Variants in FKBP1A observed in about 807,000 individuals in gnomAD.
FKBP1A encodes the protein FKBP prolyl isomerase 1A.
A neutral mutation model predicts 14.2 loss-of-function variants in FKBP1A; 5 were observed. The observed-to-expected ratio is 0.35, with a 90% CI of 0.18 to 0.74. FKBP1A has a LOEUF of 0.74. FKBP1A is among the 30% of genes least tolerant of loss of function. The pLI is 0.56. For synonymous variants in FKBP1A, 42 were observed against 49.1 expected, an observed-to-expected ratio of 0.86 and a Z score of 0.60; for missense variants, 53 against 138.8, an observed-to-expected ratio of 0.38 and a Z score of 3.10.
chr20:1,390,794 T>C (rs2089727078), intron 2 of FKBP1A, among the ~76,000 whole-genome samples: 1 of 152,198 alleles, frequency 6.6e-6, no homozygotes, highest in Admixed American at 6.5e-5. Flanking sequence ...CAGTCTATTC[T>C]GTGAGCATGA....
At chr20:1,374,064 G>A (rs1327488885) in intron 3 of FKBP1A, among the ~76,000 whole-genome samples, 1 of 152,230 alleles carries the variant, frequency 6.6e-6, no homozygotes, top group Non-Finnish European at 1.5e-5. Context: ...CTGGAAAAGA[G>A]AGAGACAGAA....
chr20:1,376,235 G>A (rs893385034), intron 2 of FKBP1A, among the ~76,000 whole-genome samples: 25 of 152,224 alleles, frequency 1.6e-4, no homozygotes, highest in African/African-American at 5.5e-4. Flanking sequence ...TCATTCTAGT[G>A]CCAAGTGTCT....
At position 1,376,647 on chromosome 20, in the gene FKBP1A, C is replaced by T. The variant is rs114698588; in HGVS notation, c.86-1044G>A. Reference sequence around the variant, plus strand: ...TCTCCACAGCACTATCCCCATTTCACAGATGAAGAAACTGAGGCAGACAGG... The same window carrying T: ...TCTCCACAGCACTATCCCCATTTCATAGATGAAGAAACTGAGGCAGACAGG... On this transcript the variant is annotated intron_variant, in intron 2 of 4. Transcript: ENST00000400137. Among the ~76,000 whole-genome samples, 697 of 151,378 alleles carry T rather than the reference C, an allele frequency of 4.6e-3. 4 individuals are homozygous for T. The highest frequency in any genetic ancestry group is 0.016 in the African/African-American group (667 of 40,768).
chr20:1,388,076 GCAAAGGGAAAAAT>G (rs2089687898), intron 2 of FKBP1A, among the ~76,000 whole-genome samples: 2 of 152,192 alleles, frequency 1.3e-5, no homozygotes, highest in African/African-American at 4.8e-5. Flanking sequence ...ACTGCTAAAT[GCAAAGGGAAAAAT>G]GTACCTTTAC....
intron 3 of FKBP1A, among the ~76,000 whole-genome samples, chr20:1,372,734 G>T (rs998749948): frequency 1.9e-4 from 29 of 152,060 alleles, no homozygotes; most frequent in African/African-American, 6.5e-4. Context: ...ACCCATATAG[G>T]AAAACTTCAA....
chr20:1,381,879 C>T (rs1307598885), intron 2 of FKBP1A, among the ~76,000 whole-genome samples: 2 of 152,086 alleles, frequency 1.3e-5, no homozygotes, highest in Non-Finnish European at 2.9e-5. Context: ...CAAATCTACA[C>T]TGACAAAAAA....
chr20:1,389,894 C>T (rs896807901), intron 2 of FKBP1A, among the ~76,000 whole-genome samples: 2 of 152,158 alleles, frequency 1.3e-5, no homozygotes, highest in Non-Finnish European at 2.9e-5. Flanking sequence ...CACCTCCCTC[C>T]CACCTCAATG....
chr20:1,382,700 CT>C (rs1373126927), intron 2 of FKBP1A, among the ~76,000 whole-genome samples: 1 of 152,186 alleles, frequency 6.6e-6, no homozygotes, highest in Non-Finnish European at 1.5e-5. Flanking sequence ...GAATGGTAAA[CT>C]TTACTTTAAG....
At position 1,392,946 on chromosome 20, in the gene FKBP1A, G is replaced by GCCC; in HGVS notation, c.37+15_37+16insGGG. On this transcript the variant is annotated intron_variant, in intron 1 of 4. Transcript: ENST00000400137. ...GGCGGCAGAGGTACTCCGAGCCGCC[G>GCCC]CGCGCCACTACTCACCGTCTCCTGG... 1.5e-6 allele frequency: 1 copy of GCCC among 663,420 alleles called. No individual in the cohort carries two copies. 41.1% of individuals were successfully genotyped at this position (663,420 alleles called of 1,614,324 possible).
rs572575457 is a variant in FKBP1A at position 1,369,159 on chromosome 20, C to T, written c.*950G>A. 1.8e-5 allele frequency: 3 copies of T among 167,048 alleles called. No homozygotes were observed. Among genetic ancestry groups the T allele is most frequent in the South Asian group, 4.2e-4 (2 of 4,818 alleles). 10.3% of individuals were successfully genotyped at this position (167,048 alleles called of 1,614,324 possible). ...GAGATCAGCAGAGGGAGCCAAGCAT[C>T]AAAAAACAGGAGATGCTGAAGCTGC... On this transcript the variant is annotated 3_prime_UTR_variant, in exon 5 of 5. Coordinates refer to ENST00000400137, the MANE Select transcript of FKBP1A (RefSeq NM_000801.5).
chr20:1,370,598 TC>T, intron 4 of FKBP1A: 1 of 985,402 alleles, frequency 1.0e-6, no homozygotes, highest in Non-Finnish European at 1.2e-6. Context: ...CAGTATTCAT[TC>T]ATTCACTCAA....
intron 4 of FKBP1A, chr20:1,370,345 G>A (rs1020861016): frequency 1.0e-6 from 1 of 985,312 alleles, no homozygotes; most frequent in African/African-American, 1.7e-5. Flanking sequence ...AGCCACCCAT[G>A]CTGCTGACAA....
At chr20:1,380,145 G>A (rs544492429) in intron 2 of FKBP1A, among the ~76,000 whole-genome samples, 1 of 152,050 alleles carries the variant, frequency 6.6e-6, no homozygotes, top group East Asian at 1.9e-4. Context: ...TACAACGATG[G>A]TTTGTAGGAC....
At chr20:1,381,901 G>T (rs1369451702) in intron 2 of FKBP1A, among the ~76,000 whole-genome samples, 3 of 152,192 alleles carry the variant, frequency 2.0e-5, no homozygotes, top group African/African-American at 7.2e-5. Flanking sequence ...CATATCAGTA[G>T]TTGTTAGAGG....
intron 4 of FKBP1A, chr20:1,370,647 C>T (rs1001312018): frequency 1.8e-5 from 18 of 985,272 alleles, no homozygotes; most frequent in Non-Finnish European, 2.2e-5. Context: ...ATTTTCCTTC[C>T]AGACTCTTGC....
At chr20:1,392,318 G>A (rs895102186) in intron 2 of FKBP1A, among the ~76,000 whole-genome samples, 2 of 152,186 alleles carry the variant, frequency 1.3e-5, no homozygotes, top group African/African-American at 4.8e-5. Flanking sequence ...CTAGGCAAAG[G>A]GGCGAATTCC....
Position 1,379,333 on chromosome 20 carries a change from G to A in FKBP1A, c.86-3730C>T, listed in dbSNP as rs2089591535. 6.6e-6 allele frequency among the ~76,000 whole-genome samples: 1 copy of A among 152,198 alleles called. No homozygotes were observed. Among genetic ancestry groups the A allele is most frequent in the Non-Finnish European group, 1.5e-5 (1 of 68,032 alleles). On this transcript the variant is annotated intron_variant, in intron 2 of 4. Transcript: ENST00000400137. This position sits in a 1 kb window ranked among gnomAD's most constrained non-coding sequence, Gnocchi z 4.3. ...GACTGGTACCAGGCTAGGAGCACTA[G>A]GCAGGACACAGCCTGAATCTGCTGC...
At chr20:1,390,238 T>C (rs1201943175) in intron 2 of FKBP1A, among the ~76,000 whole-genome samples, 1 of 151,880 alleles carries the variant, frequency 6.6e-6, no homozygotes, top group Non-Finnish European at 1.5e-5. Flanking sequence ...GCTGACTGGA[T>C]CAAGAGTGTT....
intron 4 of FKBP1A, chr20:1,371,592 A>G (rs537173605): frequency 1.3e-3 from 637 of 496,010 alleles, no homozygotes; most frequent in Non-Finnish European, 1.6e-3. Flanking sequence ...CCCTCATACC[A>G]TCTAATAGGC....
Sources: gnomAD v4.1 joint callset for allele counts (sites outside exome capture counted in the v4.1 genomes callset) on GRCh38, gnomAD v4.1.1 for gene constraint, Gnocchi (gnomAD v3.1) non-coding constraint, MANE v1.5 for transcripts, NCBI Gene and HGNC (gene_info 2026-07-23, HGNC 2026-07-21) for gene names.